Variants in POC1B observed in about 807,000 individuals in gnomAD.
POC1B encodes the protein POC1 centriolar protein homolog B.
Under a neutral mutation model 60.6 loss-of-function variants are expected in POC1B, and 44 were observed. The ratio of observed to expected loss-of-function variants is 0.73; its 90% CI spans 0.57 to 0.93. The LOEUF (loss-of-function observed/expected upper bound fraction) is 0.93, where lower values mean the gene tolerates loss of function less well. POC1B is among the 40% of genes least tolerant of loss of function. The pLI is 0.00. For missense variants in POC1B, 555 were observed against 572.3 expected (o/e 0.97, Z 0.31); for synonymous variants, 180 against 198.9 (o/e 0.90, Z 0.80).
chr12:89,410,429 C>T, the POC1B span, among the ~76,000 whole-genome samples: 1 of 152,190 alleles, frequency 6.6e-6, no homozygotes, highest in Admixed American at 6.5e-5. Context: ...CCTGTAATCC[C>T]AGCACTTTGG....
chr12:89,506,249 G>C (rs1020527886), intron 2 of POC1B, among the ~76,000 whole-genome samples: 1 of 152,198 alleles, frequency 6.6e-6, no homozygotes, highest in African/African-American at 2.4e-5. Context: ...GTGTGCCCTT[G>C]GGCAAGTTAT....
At chr12:89,433,284 G>A (rs1881115863) in intron 10 of POC1B, among the ~76,000 whole-genome samples, 1 of 152,212 alleles carries the variant, frequency 6.6e-6, no homozygotes, top group Non-Finnish European at 1.5e-5. Flanking sequence ...TCACAAATGT[G>A]TGCTGATAGA....
intron 10 of POC1B, among the ~76,000 whole-genome samples, chr12:89,433,830 T>A (rs575230818): frequency 6.6e-6 from 1 of 152,312 alleles, no homozygotes; most frequent in South Asian, 2.1e-4. Flanking sequence ...TAAATTTGGT[T>A]CGTTTCTTAA....
At chr12:89,507,249 A>G (rs939693728) in intron 2 of POC1B, among the ~76,000 whole-genome samples, 1 of 133,808 alleles carries the variant, frequency 7.5e-6, no homozygotes, top group Non-Finnish European at 1.6e-5. Flanking sequence ...TGCTCCAGAC[A>G]GAGCAAGGCC....
At chr12:89,489,604 G>A (rs1868842204) in intron 4 of POC1B, among the ~76,000 whole-genome samples, 2 of 152,156 alleles carry the variant, frequency 1.3e-5, no homozygotes, top group Non-Finnish European at 1.5e-5. Flanking sequence ...CATAACGACA[G>A]TGAGGAGTGT....
the POC1B span, among the ~76,000 whole-genome samples, chr12:89,414,597 C>T: frequency 5.3e-5 from 8 of 152,270 alleles, no homozygotes; most frequent in South Asian, 2.1e-4. Flanking sequence ...TCTAAAACCT[C>T]GTGACTTGCT....
chr12:89,463,643 T>C (rs1361133522), intron 9 of POC1B, among the ~76,000 whole-genome samples: 1 of 152,186 alleles, frequency 6.6e-6, no homozygotes, highest in Non-Finnish European at 1.5e-5. Flanking sequence ...TTAATTAAGA[T>C]GGAGTGCCTA....
intron 3 of POC1B, among the ~76,000 whole-genome samples, chr12:89,496,317 A>G (rs1013176055): frequency 6.6e-5 from 10 of 152,172 alleles, no homozygotes; most frequent in African/African-American, 2.2e-4. Context: ...CTAACAGGCC[A>G]TGGACTGGTA....
At chr12:89,465,187 G>T (rs1882640573) in intron 9 of POC1B, among the ~76,000 whole-genome samples, 1 of 152,128 alleles carries the variant, frequency 6.6e-6, no homozygotes, top group Non-Finnish European at 1.5e-5. Context: ...TGGTTTAATG[G>T]CTTTTTGGCT....
chr12:89,470,555 C>T, intron 6 of POC1B, 61 bp from the exon 7 acceptor site: 1 of 1,373,024 alleles, frequency 7.3e-7, no homozygotes, highest in Admixed American at 1.9e-5. Context: ...TGAAGATACC[C>T]CAGTGCCTTA....
intron 4 of POC1B, among the ~76,000 whole-genome samples, chr12:89,485,075 A>G (rs1304593849): frequency 1.3e-5 from 2 of 152,248 alleles, no homozygotes; most frequent in Admixed American, 6.5e-5. Flanking sequence ...CATTGTCATT[A>G]AAAATAAGTA....
chr12:89,506,294 A>T (rs1200461438), intron 2 of POC1B, among the ~76,000 whole-genome samples: 3 of 152,256 alleles, frequency 2.0e-5, no homozygotes, highest in African/African-American at 7.2e-5. Flanking sequence ...TTCATTTGCA[A>T]AATGAGGTGT....
At chr12:89,501,021 A>T in intron 2 of POC1B, 1 of 1,009,806 alleles carries the variant, frequency 9.9e-7, no homozygotes, top group Non-Finnish European at 1.5e-6. Flanking sequence ...TATAATTGAT[A>T]AGTCAGATCA....
chr12:89,519,587 A>C (rs921608582), intron 2 of POC1B: 3 of 152,618 alleles, frequency 2.0e-5, no homozygotes, highest in African/African-American at 7.2e-5. Flanking sequence ...CAGGAATTCA[A>C]AAGGACAAGC....
At chr12:89,519,716 T>C (rs982290320) in intron 2 of POC1B, 1 of 152,608 alleles carries the variant, frequency 6.6e-6, no homozygotes, top group Non-Finnish European at 1.5e-5. Flanking sequence ...TTATAATGAA[T>C]ATGCAGGAAC....
intron 9 of POC1B, among the ~76,000 whole-genome samples, chr12:89,466,158 C>T (rs550425391): frequency 1.3e-5 from 2 of 152,242 alleles, no homozygotes; most frequent in South Asian, 4.1e-4. Flanking sequence ...TAAGAATAGG[C>T]TAACATCAGC....
intron 2 of POC1B, among the ~76,000 whole-genome samples, chr12:89,511,999 A>G (rs1870212021): frequency 1.3e-5 from 2 of 152,208 alleles, no homozygotes; most frequent in Admixed American, 1.3e-4. Flanking sequence ...GGCTGTAGTG[A>G]GCTGAGATCG....
intron 10 of POC1B, among the ~76,000 whole-genome samples, chr12:89,443,265 T>C (rs1031839403): frequency 1.2e-4 from 19 of 152,350 alleles, no homozygotes; most frequent in African/African-American, 3.8e-4. Flanking sequence ...AATGGACATC[T>C]ATAGAACTCT....
At chr12:89,494,702 C>T (rs117827991) in intron 3 of POC1B, among the ~76,000 whole-genome samples, 63 of 152,300 alleles carry the variant, frequency 4.1e-4, no homozygotes, top group Non-Finnish European at 6.9e-4. Context: ...ATTGGTCTAG[C>T]AGCTTCTGCT....
Sources: allele counts gnomAD v4.1 joint callset (sites outside exome capture counted in the v4.1 genomes callset), GRCh38; gene constraint gnomAD v4.1.1; transcripts MANE v1.5; gene names NCBI Gene and HGNC (gene_info 2026-07-23, HGNC 2026-07-21).